Variants in CDH22 observed in about 807,000 individuals in gnomAD.
CDH22 encodes cadherin-22.
CDH22 carries 30 observed loss-of-function variants against 58.4 expected under a neutral mutation model. The ratio of observed to expected loss-of-function variants is 0.51; its 90% CI spans 0.38 to 0.70. The LOEUF (loss-of-function observed/expected upper bound fraction) is 0.70, where lower values mean the gene tolerates loss of function less well. CDH22 is among the 30% of genes least tolerant of loss of function. The pLI is 0.00. For missense variants in CDH22, 1,014 were observed against 1,233.9 expected, an observed-to-expected ratio of 0.82 and a Z score of 2.67; for synonymous variants, 513 against 558.2, an observed-to-expected ratio of 0.92 and a Z score of 1.14.
intron 2 of CDH22, among the ~76,000 whole-genome samples, chr20:46,246,287 G>T (rs1426724915): frequency 6.6e-6 from 1 of 152,120 alleles, no homozygotes; most frequent in Admixed American, 6.5e-5. Flanking sequence ...TCGTAAACCA[G>T]GAGTTCATCA....
intron 3 of CDH22, among the ~76,000 whole-genome samples, chr20:46,229,700 A>G (rs2086205463): frequency 6.6e-6 from 1 of 152,208 alleles, no homozygotes; most frequent in Non-Finnish European, 1.5e-5. Context: ...GGCACAGCAC[A>G]CCAGTATACA....
At chr20:46,282,636 G>A (rs887884630) in intron 1 of CDH22, among the ~76,000 whole-genome samples, 2 of 152,148 alleles carry the variant, frequency 1.3e-5, no homozygotes, top group African/African-American at 4.8e-5. Context: ...TTAATCAAAT[G>A]TTTGGCAGGT....
chr20:46,225,875 T>C (rs1390260574), intron 4 of CDH22, among the ~76,000 whole-genome samples: 1 of 152,156 alleles, frequency 6.6e-6, no homozygotes, highest in Non-Finnish European at 1.5e-5. Context: ...ATAATGAAGA[T>C]ACTTTGTGTG....
intron 10 of CDH22, among the ~76,000 whole-genome samples, chr20:46,181,930 C>T (rs1020721673): frequency 8.6e-5 from 13 of 151,734 alleles, no homozygotes; most frequent in African/African-American, 3.2e-4. Flanking sequence ...AATTCTCCTG[C>T]CTCAGCCTCC....
In CDH22 at chr20:46,221,529, C is replaced by T. The variant is rs192392958; in HGVS notation, c.671-4536G>A. On this transcript the variant is annotated intron_variant, in intron 4 of 11. Coordinates refer to ENST00000537909, the MANE Select transcript of CDH22 (RefSeq NM_021248.3). Reference sequence around the variant, plus strand: ...TACATAGCAGTCTCAGGACTGTGTTCCAGGACAGTAAACGTGAAAGCTGCA... The same window carrying T: ...TACATAGCAGTCTCAGGACTGTGTTTCAGGACAGTAAACGTGAAAGCTGCA... Among the ~76,000 whole-genome samples, 52 of 152,252 alleles carry T rather than the reference C, an allele frequency of 3.4e-4. 1 individual carries two copies. Among genetic ancestry groups the T allele is most frequent in the African/African-American group, 1.1e-3 (46 of 41,546 alleles).
intron 7 of CDH22, among the ~76,000 whole-genome samples, chr20:46,199,947 T>C (rs6032718): frequency 1.2e-3 from 174 of 150,574 alleles, no homozygotes; most frequent in African/African-American, 3.8e-3. Context: ...CCTTCCTTCT[T>C]TTTCTTTTTT....
rs543088537 is a variant in CDH22 at position 46,234,068 on chromosome 20, T to C, written c.551-6441A>G. Among the ~76,000 whole-genome samples, 69 of 152,286 alleles carry C rather than the reference T, an allele frequency of 4.5e-4. No individual in the cohort carries two copies. In the South Asian group the frequency reaches 0.013, roughly 29 times the overall value. On this transcript the variant is annotated intron_variant, in intron 3 of 11. Coordinates refer to ENST00000537909, the MANE Select transcript of CDH22 (RefSeq NM_021248.3). ...ACTCCTTCCTGCCTTCCTCCTTTCCTCTCTGTTCCCCCAAGCACCGAATTT... is the reference window on the plus strand; with the variant it reads ...ACTCCTTCCTGCCTTCCTCCTTTCCCCTCTGTTCCCCCAAGCACCGAATTT...
intron 1 of CDH22, among the ~76,000 whole-genome samples, chr20:46,277,797 C>T (rs531991238): frequency 5.9e-5 from 9 of 151,298 alleles, no homozygotes; most frequent in South Asian, 4.2e-4. Context: ...GAGGAGGGGG[C>T]GGGCACCAGA....
At chr20:46,179,177 G>T (rs2085766114) in intron 10 of CDH22, among the ~76,000 whole-genome samples, 1 of 152,200 alleles carries the variant, frequency 6.6e-6, no homozygotes, top group African/African-American at 2.4e-5. Flanking sequence ...GCACATGCAG[G>T]GGTACGAAGT....
rs2085719358 is a variant in CDH22, at chr20:46,174,447, T to C, written c.*59A>G. 1.6e-6 allele frequency: 2 copies of C among 1,233,686 alleles called. No homozygotes were observed. 76.4% of individuals were successfully genotyped at this position (1,233,686 alleles called of 1,614,324 possible). On this transcript the variant is annotated 3_prime_UTR_variant, in exon 12 of 12. Transcript: ENST00000537909. The surrounding 1 kb of genome is among the most constrained non-coding windows in gnomAD (Gnocchi z 4.4). ...GGTCCGCGGGGGAAACGCGTTGTCC[T>C]GGGGCCCCGGCGTGTGCTGGGCGGG...
Position 46,217,750 on chromosome 20 carries a change from C to CACAT in CDH22, c.671-758_671-757insATGT, listed in dbSNP as rs369226388. On this transcript the variant is annotated intron_variant, in intron 4 of 11. Transcript: ENST00000537909. The stretch of plus-strand genomic sequence containing the variant: ...ACTCACATACACACAAACACACAAA[C>CACAT]AGATACACTCTCAAATACACACTCA... Among the ~76,000 whole-genome samples, 428 of 152,146 alleles carry CACAT rather than the reference C, an allele frequency of 2.8e-3. 6 individuals are homozygous for CACAT. Among genetic ancestry groups the CACAT allele is most frequent in the Middle Eastern group, 0.02 (6 of 294 alleles).
Position 46,186,658 on chromosome 20 carries a change from C to A in CDH22, c.1593G>T (p.Gly531=). The change falls in exon 10 of 12, where the codon GGG becomes GGT. Residue 531 remains glycine, a synonymous_variant. Coordinates refer to ENST00000537909, the MANE Select transcript of CDH22 (RefSeq NM_021248.3). The stretch of plus-strand genomic sequence containing the variant: ...GCACCAGGCGGAAATAGAAGCGGTG[C>A]CCGCCTTGGGGCTCGTCTCTGTCCA... ...SVVDRDEPQG[G]HRFYFRLVPE... 1.2e-6 allele frequency: 2 copies of A among 1,613,716 alleles called. No individual in the cohort carries two copies. The highest frequency in any genetic ancestry group is 1.7e-6 in the Non-Finnish European group (2 of 1,179,992).
intron 3 of CDH22, among the ~76,000 whole-genome samples, chr20:46,232,763 G>T (rs935191149): frequency 3.3e-5 from 5 of 152,150 alleles, no homozygotes; most frequent in Non-Finnish European, 5.9e-5. Context: ...CACCCCTGCT[G>T]CCCTCCTCCC....
In CDH22 at chr20:46,213,055, G is replaced by A. The variant is rs377357652; in HGVS notation, c.972C>T (p.Gly324=). Residue 324 remains glycine (G), a synonymous_variant, in exon 6 of 12, where the codon GGC becomes GGT. Coordinates refer to ENST00000537909, the MANE Select transcript of CDH22 (RefSeq NM_021248.3). ...TGTCTGTGGTGACCTTGAACACATCGCCGCCGCTGCTGCTCTCGTCCTTAA... is the reference window on the plus strand; with the variant it reads ...TGTCTGTGGTGACCTTGAACACATCACCGCCGCTGCTGCTCTCGTCCTTAA... ...YHLKDESSSG[G]DVFKVTTDSD... is the part of the protein sequence containing the mutation. 1.9e-5 allele frequency: 30 copies of A among 1,613,996 alleles called. No homozygotes were observed. Among genetic ancestry groups the A allele is most frequent in the African/African-American group, 9.3e-5 (7 of 74,898 alleles).
Position 46,206,917 on chromosome 20 carries a change from C to A in CDH22, c.1286+3390G>T, listed in dbSNP as rs569956387. Among the ~76,000 whole-genome samples, 226 of 152,278 alleles carry A rather than the reference C, an allele frequency of 1.5e-3. 1 individual carries two copies. Among genetic ancestry groups the A allele is most frequent in the African/African-American group, 5.3e-3 (219 of 41,558 alleles). On this transcript the variant is annotated intron_variant, in intron 7 of 11. Coordinates refer to ENST00000537909, the MANE Select transcript of CDH22 (RefSeq NM_021248.3). ...GAACGCAGGTGCTGCCAGAATGGAA[C>A]CCTTAGAGCGAGCTGGACTCTGGCA...
intron 1 of CDH22, among the ~76,000 whole-genome samples, chr20:46,275,237 C>T (rs904724166): frequency 6.6e-6 from 1 of 152,210 alleles, no homozygotes; most frequent in African/African-American, 2.4e-5. Flanking sequence ...TGCTCCAGCC[C>T]TGCTGGCCTG....
At chr20:46,235,496 A>G (rs1161030772) in intron 3 of CDH22, among the ~76,000 whole-genome samples, 7 of 152,204 alleles carry the variant, frequency 4.6e-5, no homozygotes, top group Admixed American at 4.6e-4. Flanking sequence ...TGTCCCCTTG[A>G]CATATGAACT....
Position 46,221,862 on chromosome 20 carries a change from G to A in CDH22, c.671-4869C>T, listed in dbSNP as rs2086128835. On this transcript the variant is annotated intron_variant, in intron 4 of 11. Coordinates refer to ENST00000537909, the MANE Select transcript of CDH22 (RefSeq NM_021248.3). ...ATATTCCAAAACAGTCCATGAAGTT[G>A]TTCTTGAAAGCTTCTGGCTCTTTGA... Among the ~76,000 whole-genome samples the A allele has an allele frequency of 2.6e-5, 4 of 152,290 alleles. No homozygotes were observed. The South Asian group carries it at 8.3e-4, about 32-fold the overall frequency.
intron 2 of CDH22, among the ~76,000 whole-genome samples, chr20:46,243,857 CA>C (rs2086309973): frequency 6.6e-6 from 1 of 152,216 alleles, no homozygotes; most frequent in African/African-American, 2.4e-5. Flanking sequence ...CCCTGTGAAA[CA>C]TTATCATTCC....
Sources: gnomAD v4.1 joint callset for allele counts (sites outside exome capture counted in the v4.1 genomes callset) on GRCh38, gnomAD v4.1.1 for gene constraint, Gnocchi (gnomAD v3.1) non-coding constraint, MANE v1.5 for transcripts, NCBI Gene and HGNC (gene_info 2026-07-23, HGNC 2026-07-21) for gene names.